SERPINE2: variants seen among roughly 807,000 people sequenced by gnomAD.
SERPINE2 encodes serpin family E member 2.
SERPINE2 carries 14 observed loss-of-function variants against 36.3 expected under a neutral mutation model. The ratio of observed to expected loss-of-function variants is 0.39; its 90% CI spans 0.25 to 0.60. The LOEUF (loss-of-function observed/expected upper bound fraction) is 0.60. SERPINE2 is among the 20% of genes least tolerant of loss of function. The pLI, the probability that SERPINE2 is intolerant of heterozygous loss-of-function variation, is 0.57. For missense variants in SERPINE2, 418 were observed against 499.6 expected, an observed-to-expected ratio of 0.84 and a Z score of 1.56; for synonymous variants, 192 against 191.8, an observed-to-expected ratio of 1.00 and a Z score of -0.01.
chr2:224,037,239 G>A (rs775492703), intron 1 of SERPINE2, among the ~76,000 whole-genome samples: 1 of 152,164 alleles, frequency 6.6e-6, no homozygotes, highest in Non-Finnish European at 1.5e-5. Flanking sequence ...GGGGGAGGAC[G>A]TGAGGAGATA....
At position 223,976,930 on chromosome 2, in the gene SERPINE2, A is replaced by G. The variant is rs201532210; in HGVS notation, c.1156+614T>C. On this transcript the variant is annotated intron_variant, in intron 8 of 8. Coordinates refer to ENST00000409304, the MANE Select transcript of SERPINE2 (RefSeq NM_001136528.2). ...AGGACCAGGTGGAGAAAACTGAATC[A>G]TAGGAGCAGTTTCCCCCATACTGTT... Among the ~76,000 whole-genome samples the G allele has an allele frequency of 2.6e-5, 4 of 152,354 alleles. No individual in the cohort carries two copies. The East Asian group carries it at 7.7e-4, about 29-fold the overall frequency.
chr2:224,024,624 G>A (rs539005389), intron 1 of SERPINE2, among the ~76,000 whole-genome samples: 2 of 152,160 alleles, frequency 1.3e-5, no homozygotes. Flanking sequence ...TCATCTATAA[G>A]ATCAGTGATA....
chr2:223,985,084 A>G, intron 4 of SERPINE2, 134 bp from the exon 5 acceptor site: 1 of 676,088 alleles, frequency 1.5e-6, no homozygotes, highest in Non-Finnish European at 2.6e-6. Context: ...TAGCTTCCTT[A>G]GAAGGACAAA....
chr2:223,992,137 T>C, intron 3 of SERPINE2, 137 bp from the exon 4 acceptor site: 2 of 685,352 alleles, frequency 2.9e-6, no homozygotes, highest in East Asian at 2.8e-5. Flanking sequence ...CTTCTTAAAC[T>C]ACCCTTTTGT....
intron 3 of SERPINE2, 107 bp downstream of exon 3, chr2:223,998,008 C>T (rs1690960484): frequency 3.5e-6 from 3 of 852,752 alleles, no homozygotes; most frequent in Non-Finnish European, 5.8e-6. Context: ...AGTTTCTCAA[C>T]CCACAGGCCA....
chr2:223,975,775 A>G lies in SERPINE2; in HGVS notation c.*92T>C. 1 of 1,085,110 alleles carries G rather than the reference A, an allele frequency of 9.2e-7. No individual in the cohort carries two copies. The highest frequency in any genetic ancestry group is 1.3e-6 in the Non-Finnish European group (1 of 751,530). The allele number at this position is 1,085,110 out of a possible 1,614,324, so 67.2% of individuals were successfully genotyped here. ...GTTTTGAAAAAGAAGCGATGTACAAAAATATTTAACAGAACTATGAAAGAT... is the reference window on the plus strand; with the variant it reads ...GTTTTGAAAAAGAAGCGATGTACAAGAATATTTAACAGAACTATGAAAGAT... On this transcript the variant is annotated 3_prime_UTR_variant, in exon 9 of 9. Transcript: ENST00000409304.
chr2:223,975,482 A>AT lies in SERPINE2; in HGVS notation c.*384dup, dbSNP rs532375577. 1.3e-3 allele frequency: 223 copies of AT among 166,100 alleles called. No individual in the cohort carries two copies. The highest frequency in any genetic ancestry group is 4.4e-3 in the East Asian group (27 of 6,118). The allele number at this position is 166,100 out of a possible 1,614,324, so 10.3% of individuals were successfully genotyped here. ...TAAAAAGTAAAAGCTACCATAAAAC[A>AT]TTTTTTTTTCTGTCACACTGATTAA... On this transcript the variant is annotated 3_prime_UTR_variant, in exon 9 of 9. Transcript: ENST00000409304.
intron 1 of SERPINE2, among the ~76,000 whole-genome samples, chr2:224,031,699 C>T (rs1026974864): frequency 6.6e-6 from 1 of 151,996 alleles, no homozygotes; most frequent in East Asian, 1.9e-4. Flanking sequence ...ATTGGTACAG[C>T]GAACAGCATG....
At chr2:224,037,852 C>T (rs564159256) in intron 1 of SERPINE2, among the ~76,000 whole-genome samples, 35 of 152,300 alleles carry the variant, frequency 2.3e-4, no homozygotes, top group Admixed American at 1.6e-3. Context: ...TCATGACCTT[C>T]AGTAATTGCC....
At chr2:224,034,650 TATGACTCTGGATACC>T (rs1692477902) in intron 1 of SERPINE2, among the ~76,000 whole-genome samples, 1 of 152,140 alleles carries the variant, frequency 6.6e-6, no homozygotes, top group Non-Finnish European at 1.5e-5. Context: ...GAACACACTG[TATGACTCTGGATACC>T]ACATGTAAAA....
At chr2:223,983,404 C>T (rs909917606) in intron 5 of SERPINE2, among the ~76,000 whole-genome samples, 2 of 152,118 alleles carry the variant, frequency 1.3e-5, no homozygotes, top group East Asian at 1.9e-4. Context: ...CAAGCACCCA[C>T]GACCATGCCT....
chr2:223,980,835 G>T, intron 6 of SERPINE2: 1 of 165,986 alleles, frequency 6.0e-6, no homozygotes, highest in Non-Finnish European at 1.3e-5. Flanking sequence ...GTTAAGTAAT[G>T]TTCCCTGCAA....
chr2:224,009,155 A>G (rs1254869337), intron 1 of SERPINE2, among the ~76,000 whole-genome samples: 1 of 152,142 alleles, frequency 6.6e-6, no homozygotes, highest in Non-Finnish European at 1.5e-5. Flanking sequence ...ACAGCACGGC[A>G]AGGTGAGTCC....
chr2:223,988,041 T>G (rs752087500), intron 4 of SERPINE2, among the ~76,000 whole-genome samples: 15 of 152,180 alleles, frequency 9.9e-5, no homozygotes, highest in Non-Finnish European at 1.6e-4. Context: ...CTCTACATTC[T>G]AGGCTGGAGT....
rs527859859 is a variant in SERPINE2, at chr2:224,001,101, C to T, written c.259+541G>A. 3.3e-5 allele frequency among the ~76,000 whole-genome samples: 5 copies of T among 152,282 alleles called. No individual in the cohort carries two copies. In the South Asian group the frequency reaches 1.0e-3, roughly 32 times the overall value. On this transcript the variant is annotated intron_variant, in intron 2 of 8. Coordinates refer to ENST00000409304, the MANE Select transcript of SERPINE2 (RefSeq NM_001136528.2). ...AGGAAATTTCCATCAGGTCAGTCCA[C>T]AGGGTGCATTCAGATTTCACTCATT...
rs143454034 is a variant in SERPINE2, at chr2:223,995,346, T to C, written c.487+2769A>G. Among the ~76,000 whole-genome samples, 159 of 152,374 alleles carry C rather than the reference T, an allele frequency of 1.0e-3. 1 individual carries two copies. The highest frequency in any genetic ancestry group is 3.6e-3 in the African/African-American group (148 of 41,594). ...ACTTCTGAGCTCTACCATGTGGTCA[T>C]GTACCTTTCAGTGGGGGCAGTTCAC... On this transcript the variant is annotated intron_variant, in intron 3 of 8. Coordinates refer to ENST00000409304, the MANE Select transcript of SERPINE2 (RefSeq NM_001136528.2).
intron 1 of SERPINE2, among the ~76,000 whole-genome samples, chr2:224,011,831 C>T (rs1401609856): frequency 6.6e-6 from 1 of 152,214 alleles, no homozygotes; most frequent in African/African-American, 2.4e-5. Context: ...GCAATATTCT[C>T]TGCAATAAAT....
intron 1 of SERPINE2, among the ~76,000 whole-genome samples, chr2:224,017,417 G>A (rs1454508377): frequency 6.6e-6 from 1 of 152,116 alleles, no homozygotes; most frequent in African/African-American, 2.4e-5. Flanking sequence ...TACTGCAAAT[G>A]TACAATCACA....
chr2:224,000,931 T>C (rs530414576), intron 2 of SERPINE2, among the ~76,000 whole-genome samples: 36 of 152,344 alleles, frequency 2.4e-4, no homozygotes, highest in Non-Finnish European at 2.9e-4. Flanking sequence ...CAGTCTATCA[T>C]TGATGGACAT....
Sources: allele counts gnomAD v4.1 joint callset (sites outside exome capture counted in the v4.1 genomes callset), GRCh38; gene constraint gnomAD v4.1.1; transcripts MANE v1.5; gene names NCBI Gene and HGNC (gene_info 2026-07-23, HGNC 2026-07-21).